The following DLGAP2 variants were observed in gnomAD, a reference collection of about 807,000 sequenced individuals.
DLGAP2 encodes the protein disks large-associated protein 2.
DLGAP2 carries 26 observed loss-of-function variants against 100.3 expected under a neutral mutation model. The ratio of observed to expected loss-of-function variants is 0.26; its 90% confidence interval spans 0.19 to 0.36. The LOEUF is 0.36. Ranked by LOEUF, DLGAP2 falls within the 10% of genes least tolerant of loss-of-function variation. The pLI, the probability that DLGAP2 is intolerant of heterozygous loss-of-function variation, is 1.00. For synonymous variants in DLGAP2, 886 were observed against 630.1 expected (o/e 1.41, Z -6.08); for missense variants, 1,858 against 1,453.2 (o/e 1.28, Z -4.53).
chr8:1,365,332 G>A (rs1366224448), intron 3 of DLGAP2, among the ~76,000 whole-genome samples: 2 of 152,108 alleles, frequency 1.3e-5, no homozygotes, highest in Non-Finnish European at 2.9e-5. Flanking sequence ...GGTGGCCCAG[G>A]GTCCCCAGAT....
intron 2 of DLGAP2, among the ~76,000 whole-genome samples, chr8:929,837 CTTTAA>C (rs1358560558): frequency 1.3e-5 from 2 of 151,312 alleles, no homozygotes; most frequent in African/African-American, 2.4e-5. Context: ...GTCATTTCCA[CTTTAA>C]TTTGAGTTAC....
At chr8:1,033,204 C>T (rs957459465) in intron 2 of DLGAP2, among the ~76,000 whole-genome samples, 8 of 152,068 alleles carry the variant, frequency 5.3e-5, no homozygotes, top group Admixed American at 5.2e-4. Context: ...TCAGCTCAGG[C>T]CTGAGCATCT....
rs574086050 is a variant in DLGAP2 at position 1,182,131 on chromosome 8, T to A, written c.74-76720T>A. Among the ~76,000 whole-genome samples the A allele has an allele frequency of 3.3e-5, 5 of 152,310 alleles. No homozygotes were observed. In the South Asian group the frequency reaches 1.0e-3, roughly 32 times the overall value. ...CAACAGCGTCTCCTCCGTGTTCTGT[T>A]CCTGAGGTGGCGAGTCATGTGTGGC... On this transcript the variant is annotated intron_variant, in intron 2 of 14. Coordinates refer to ENST00000637795, the MANE Select transcript of DLGAP2 (RefSeq NM_001346810.2).
intron 3 of DLGAP2, among the ~76,000 whole-genome samples, chr8:1,338,899 C>T (rs1362245485): frequency 3.8e-5 from 3 of 79,830 alleles, no homozygotes; most frequent in East Asian, 2.8e-4. Context: ...ATGCAGTGAC[C>T]TCAGTGAGGC....
At chr8:1,568,504 A>G (rs554908978) in intron 6 of DLGAP2, among the ~76,000 whole-genome samples, 8 of 134,302 alleles carry the variant, frequency 6.0e-5, no homozygotes, top group South Asian at 2.6e-4. Context: ...CGTGGCCCCC[A>G]TGCCACTGTC....
intron 1 of DLGAP2, among the ~76,000 whole-genome samples, chr8:858,794 A>G (rs142837770): frequency 4.1e-4 from 63 of 152,336 alleles, no homozygotes; most frequent in African/African-American, 1.4e-3. Context: ...CATATATGAG[A>G]TGCTGTCATT....
At chr8:973,936 T>C (rs1056934645) in intron 2 of DLGAP2, among the ~76,000 whole-genome samples, 1 of 150,962 alleles carries the variant, frequency 6.6e-6, no homozygotes, top group Non-Finnish European at 1.5e-5. Context: ...TGGAGAGCGC[T>C]GGGCGCAAGC....
intron 3 of DLGAP2, among the ~76,000 whole-genome samples, chr8:1,473,232 A>G (rs1309980780): frequency 6.6e-6 from 1 of 152,226 alleles, no homozygotes; most frequent in Non-Finnish European, 1.5e-5. Context: ...TGCCCAGCCC[A>G]CAAATGATTA....
chr8:1,089,233 A>G (rs1003239085), intron 2 of DLGAP2, among the ~76,000 whole-genome samples: 3 of 152,246 alleles, frequency 2.0e-5, no homozygotes, highest in Non-Finnish European at 1.5e-5. Context: ...CTGCAAAAGT[A>G]AAAATGAAAG....
At position 1,407,657 on chromosome 8, in the gene DLGAP2, C is replaced by A. The variant is rs1203689754; in HGVS notation, c.107-93709C>A. Among the ~76,000 whole-genome samples the A allele has an allele frequency of 1.1e-3, 96 of 88,188 alleles. 1 individual carries two copies. Among genetic ancestry groups the A allele is most frequent in the African/African-American group, 4.2e-3 (90 of 21,370 alleles). 57.9% of individuals were successfully genotyped at this position (88,188 alleles called of 152,430 possible). On this transcript the variant is annotated intron_variant, in intron 3 of 14. Coordinates refer to ENST00000637795, the MANE Select transcript of DLGAP2 (RefSeq NM_001346810.2). ...TTACTGAGCGCCACCTCCTCATCCT[C>A]CAGAGTCGTGTATTGAGTGCTTACT...
At chr8:926,845 G>C (rs1798826749) in intron 2 of DLGAP2, among the ~76,000 whole-genome samples, 1 of 152,280 alleles carries the variant, frequency 6.6e-6, no homozygotes, top group Non-Finnish European at 1.5e-5. Flanking sequence ...GGCTGCAGTT[G>C]TGTAATAATC....
At chr8:1,359,172 G>A (rs963114655) in intron 3 of DLGAP2, among the ~76,000 whole-genome samples, 17 of 152,162 alleles carry the variant, frequency 1.1e-4, no homozygotes, top group Admixed American at 7.9e-4. Context: ...CCATAGAAAG[G>A]AGGGCCCAGG....
At chr8:1,140,182 G>T (rs1291595716) in intron 2 of DLGAP2, among the ~76,000 whole-genome samples, 1 of 152,116 alleles carries the variant, frequency 6.6e-6, no homozygotes, top group Non-Finnish European at 1.5e-5. Flanking sequence ...TAGCGGGGAG[G>T]TGCGACCAGG....
chr8:1,496,988 A>T (rs1382383364), intron 3 of DLGAP2, among the ~76,000 whole-genome samples: 3 of 151,842 alleles, frequency 2.0e-5, no homozygotes, highest in African/African-American at 7.3e-5. Context: ...CACGTTATGG[A>T]ATATGGTTTA....
chr8:793,460 A>T (rs1795963443), intron 1 of DLGAP2, among the ~76,000 whole-genome samples: 1 of 152,166 alleles, frequency 6.6e-6, no homozygotes, highest in South Asian at 2.1e-4. Context: ...GGGCTGCCAT[A>T]GTCTGGGCTG....
At chr8:1,658,088 G>C (rs937478590) in intron 8 of DLGAP2, among the ~76,000 whole-genome samples, 11 of 152,128 alleles carry the variant, frequency 7.2e-5, no homozygotes, top group African/African-American at 2.7e-4. Context: ...GGTTAGACCA[G>C]ATGTGACATT....
chr8:1,556,947 G>A (rs542034455), intron 5 of DLGAP2, among the ~76,000 whole-genome samples: 3 of 152,234 alleles, frequency 2.0e-5, no homozygotes, highest in East Asian at 1.9e-4. Context: ...ACAGCGGGAT[G>A]GGGGCTGGGA....
chr8:1,229,042 A>C (rs1394712499), intron 2 of DLGAP2, among the ~76,000 whole-genome samples: 2 of 152,234 alleles, frequency 1.3e-5, no homozygotes, highest in African/African-American at 4.8e-5. Flanking sequence ...ATTTCCTAAC[A>C]AATTATTAGA....
intron 2 of DLGAP2, among the ~76,000 whole-genome samples, chr8:1,203,903 C>T (rs777608195): frequency 1.4e-5 from 2 of 141,810 alleles, no homozygotes; most frequent in Admixed American, 7.0e-5. Context: ...TATCAGGACT[C>T]AGCCTGACCA....
Sources: gnomAD v4.1 joint callset for allele counts (sites outside exome capture counted in the v4.1 genomes callset) on GRCh38, gnomAD v4.1.1 for gene constraint, MANE v1.5 for transcripts, NCBI Gene and HGNC (gene_info 2026-07-23, HGNC 2026-07-21) for gene names.